Variants in PTDSS1 observed in about 807,000 individuals in gnomAD.
The protein encoded by PTDSS1 is PSS-1.
PTDSS1 carries 45 observed loss-of-function variants against 70.5 expected under a neutral mutation model. That is an observed-to-expected ratio of 0.64 (90% CI 0.50 to 0.82). PTDSS1 has a LOEUF of 0.82. Ranked by LOEUF, PTDSS1 falls within the 40% of genes least tolerant of loss-of-function variation. PTDSS1 has a pLI of 0.00. For missense variants in PTDSS1, 417 were observed against 586.1 expected, an observed-to-expected ratio of 0.71 and a Z score of 2.98; for synonymous variants, 188 against 203.8, an observed-to-expected ratio of 0.92 and a Z score of 0.66.
At chr8:96,307,085 G>A (rs1340883475) in intron 8 of PTDSS1, among the ~76,000 whole-genome samples, 1 of 152,064 alleles carries the variant, frequency 6.6e-6, no homozygotes, top group African/African-American at 2.4e-5. Flanking sequence ...GATTAATGTG[G>A]GGCCCTAGAG....
rs1013174830 is a variant in PTDSS1, at chr8:96,262,294, G to C, written c.179+75G>C. ...GCGGGAGGGAGGGTGGCGGGGAGGG[G>C]GGCCCGGCATGGCTCTGGGTGAGGA... On this transcript the variant is annotated intron_variant, in intron 1 of 12. Transcript: ENST00000517309. This position sits in a 1 kb window ranked among gnomAD's most constrained non-coding sequence, Gnocchi z 4.4. The C allele has an allele frequency of 2.0e-6, 3 of 1,472,098 alleles. No homozygotes were observed. The South Asian group carries it at 3.7e-5, about 18-fold the overall frequency. The allele number at this position is 1,472,098 out of a possible 1,614,324, so 91.2% of individuals were successfully genotyped here.
chr8:96,275,697 A>G (rs1409221150), intron 2 of PTDSS1, among the ~76,000 whole-genome samples: 1 of 152,212 alleles, frequency 6.6e-6, no homozygotes, highest in Non-Finnish European at 1.5e-5. Flanking sequence ...ATCTCAGGTT[A>G]CATACCAACG....
At chr8:96,325,362 A>T (rs1285182030) in intron 10 of PTDSS1, among the ~76,000 whole-genome samples, 1 of 152,210 alleles carries the variant, frequency 6.6e-6, no homozygotes, top group African/African-American at 2.4e-5. Flanking sequence ...ACTGTAAAAG[A>T]TTGTGTGCAT....
intron 9 of PTDSS1, among the ~76,000 whole-genome samples, chr8:96,314,281 A>T (rs537653748): frequency 2.0e-5 from 3 of 152,090 alleles, no homozygotes; most frequent in African/African-American, 7.2e-5. Flanking sequence ...TCCTGGACTC[A>T]AGCAGTCCTC....
At chr8:96,276,961 TACACGCGCGC>T (rs1563563105) in intron 2 of PTDSS1, among the ~76,000 whole-genome samples, 3 of 133,404 alleles carry the variant, frequency 2.2e-5, no homozygotes, top group East Asian at 4.4e-4. Context: ...CCCGGGCACA[TACACGCGCGC>T]ACGCGCGCGC....
At chr8:96,264,097 A>G (rs1188595268) in intron 1 of PTDSS1, among the ~76,000 whole-genome samples, 3 of 152,232 alleles carry the variant, frequency 2.0e-5, no homozygotes, top group African/African-American at 7.2e-5. Context: ...ACCTGACCAG[A>G]CATATTTCTA....
At chr8:96,281,853 T>C (rs772878805) in intron 2 of PTDSS1, among the ~76,000 whole-genome samples, 20 of 152,194 alleles carry the variant, frequency 1.3e-4, no homozygotes, top group Non-Finnish European at 2.5e-4. Context: ...CAGGTTCCTC[T>C]GCCTCAGTAC....
At position 96,331,026 on chromosome 8, in the gene PTDSS1, A is replaced by C; in HGVS notation, c.1243A>C (p.Thr415Pro). Residue 415 changes from threonine to proline, a missense_variant and splice_region_variant, in exon 12 of 13, where the codon ACC becomes CCC. Physicochemically the swap from Thr to Pro is conservative, Grantham distance 38. Transcript: ENST00000517309. ...YAEHYGHREK[T>P]YSECEDGTYS... Reference sequence around the variant, plus strand: ...GCACTAAGCCTGTCTCTCTCCCTAGACCTACTCGGAGTGTGAAGATGGCAC... The same window carrying C: ...GCACTAAGCCTGTCTCTCTCCCTAGCCCTACTCGGAGTGTGAAGATGGCAC... 2 of 1,612,478 alleles carry C rather than the reference A, an allele frequency of 1.2e-6. No individual in the cohort carries two copies. Among genetic ancestry groups the C allele is most frequent in the Non-Finnish European group, 8.5e-7 (1 of 1,178,572 alleles).
chr8:96,281,524 TCCCTG>T (rs1367433517), intron 2 of PTDSS1, among the ~76,000 whole-genome samples: 2 of 152,150 alleles, frequency 1.3e-5, no homozygotes, highest in African/African-American at 4.8e-5. Context: ...AGCTATCAGT[TCCCTG>T]CCCTTTCCCT....
rs146796299 is a variant in PTDSS1, at chr8:96,267,677, C to T, written c.179+5458C>T. Among the ~76,000 whole-genome samples the T allele has an allele frequency of 1.5e-3, 236 of 152,300 alleles. 2 individuals carry two copies. The highest frequency in any genetic ancestry group is 5.1e-3 in the African/African-American group (212 of 41,568). The stretch of plus-strand genomic sequence containing the variant: ...AGATAACACCAAAGCTGGTTGACAT[C>T]GGTATTTCAGTAGATGCCTGTCACC... On this transcript the variant is annotated intron_variant, in intron 1 of 12. Transcript: ENST00000517309.
At chr8:96,267,265 T>G (rs901977992) in intron 1 of PTDSS1, among the ~76,000 whole-genome samples, 1 of 152,196 alleles carries the variant, frequency 6.6e-6, no homozygotes, top group Admixed American at 6.5e-5. Context: ...TTAATTCAAT[T>G]AATTCAATTC....
intron 6 of PTDSS1, among the ~76,000 whole-genome samples, chr8:96,301,887 T>TG (rs1205842982): frequency 6.6e-6 from 1 of 152,214 alleles, no homozygotes; most frequent in Admixed American, 6.5e-5. Flanking sequence ...TGGTATATGA[T>TG]GTGAGGAGGA....
chr8:96,310,087 C>G (rs564765137), intron 9 of PTDSS1, among the ~76,000 whole-genome samples: 69 of 151,892 alleles, frequency 4.5e-4, no homozygotes, highest in African/African-American at 1.4e-3. Context: ...CAAAGTCACG[C>G]CACTGCACTG....
At chr8:96,303,938 C>T (rs1811085082) in intron 6 of PTDSS1, 102 bp from the exon 7 acceptor site, 4 of 1,259,494 alleles carry the variant, frequency 3.2e-6, no homozygotes, top group African/African-American at 1.5e-5. Flanking sequence ...TTGTCCTGAG[C>T]ATTTATTATA....
chr8:96,321,434 G>A (rs901214477), intron 10 of PTDSS1, among the ~76,000 whole-genome samples: 3 of 152,102 alleles, frequency 2.0e-5, no homozygotes, highest in Admixed American at 1.3e-4. Flanking sequence ...TTCACCCATC[G>A]TGATTGGTTG....
chr8:96,302,788 G>T (rs1026827881), intron 6 of PTDSS1, among the ~76,000 whole-genome samples: 1 of 151,980 alleles, frequency 6.6e-6, no homozygotes, highest in African/African-American at 2.4e-5. Context: ...CACCATGTTG[G>T]CCAGGCTGAT....
At chr8:96,279,778 CACTGCACT>C (rs1810708450) in intron 2 of PTDSS1, among the ~76,000 whole-genome samples, 1 of 152,044 alleles carries the variant, frequency 6.6e-6, no homozygotes, top group East Asian at 1.9e-4. Flanking sequence ...GAGATTGCGC[CACTGCACT>C]ACAGCTTAGG....
At chr8:96,301,758 C>G (rs1190153797) in intron 6 of PTDSS1, among the ~76,000 whole-genome samples, 2 of 150,896 alleles carry the variant, frequency 1.3e-5, no homozygotes, top group Non-Finnish European at 3.0e-5. Flanking sequence ...TCAGGTGATC[C>G]GCCCGCCTCA....
chr8:96,266,507 GC>G (rs1242723710), intron 1 of PTDSS1, among the ~76,000 whole-genome samples: 2 of 152,152 alleles, frequency 1.3e-5, no homozygotes, highest in Non-Finnish European at 2.9e-5. Context: ...ATGGATACTT[GC>G]TAGCATTCCC....
Sources: allele counts gnomAD v4.1 joint callset (sites outside exome capture counted in the v4.1 genomes callset), GRCh38; gene constraint gnomAD v4.1.1; non-coding constraint Gnocchi (gnomAD v3.1); transcripts MANE v1.5; gene names NCBI Gene and HGNC (gene_info 2026-07-23, HGNC 2026-07-21).